IL15: variants seen among roughly 807,000 people sequenced by gnomAD.
The protein encoded by IL15 is interleukin 15.
IL15 carries 11 observed loss-of-function variants against 19.6 expected under a neutral mutation model. That is an observed-to-expected ratio of 0.56 (90% CI 0.35 to 0.93). The LOEUF is 0.93. Ranked by LOEUF, IL15 falls within the 40% of genes least tolerant of loss-of-function variation. IL15 has a pLI of 0.01. For synonymous variants in IL15, 58 were observed against 59.6 expected, an observed-to-expected ratio of 0.97 and a Z score of 0.12; for missense variants, 197 against 186.5, an observed-to-expected ratio of 1.06 and a Z score of -0.33.
At chr4:141,683,422 T>C (rs764116245) in intron 2 of IL15, among the ~76,000 whole-genome samples, 3 of 151,518 alleles carry the variant, frequency 2.0e-5, no homozygotes, top group Non-Finnish European at 4.4e-5. Flanking sequence ...ATACAAAAAA[T>C]TAGCCTGGCA....
chr4:141,724,097 G>T (rs1730181485), intron 5 of IL15, among the ~76,000 whole-genome samples: 1 of 151,906 alleles, frequency 6.6e-6, no homozygotes, highest in Middle Eastern at 3.2e-3. Flanking sequence ...AATTTTTTCA[G>T]AACTTAAATC....
At chr4:141,725,542 G>A (rs149223389) in intron 5 of IL15, among the ~76,000 whole-genome samples, 140 of 152,238 alleles carry the variant, frequency 9.2e-4, no homozygotes, top group African/African-American at 3.2e-3. Flanking sequence ...AGAAAATAAA[G>A]TTCTATTATT....
intron 6 of IL15, 22 bp downstream of exon 6, chr4:141,728,006 A>G: frequency 8.6e-7 from 1 of 1,158,544 alleles, no homozygotes; most frequent in Non-Finnish European, 1.3e-6. Flanking sequence ...TTTTTTCAAA[A>G]TTGCTATTTG....
At chr4:141,685,750 T>C (rs1325662056) in intron 2 of IL15, among the ~76,000 whole-genome samples, 2 of 152,258 alleles carry the variant, frequency 1.3e-5, no homozygotes, top group Admixed American at 1.3e-4. Context: ...AGCTTCCTAA[T>C]GTTCCATGAA....
intron 2 of IL15, among the ~76,000 whole-genome samples, chr4:141,689,548 T>C (rs552715111): frequency 1.3e-5 from 2 of 151,784 alleles, no homozygotes; most frequent in South Asian, 4.2e-4. Context: ...TTGAGCTAGA[T>C]ACAGAGTGCC....
rs1727334113 is a variant in IL15 at position 141,649,474 on chromosome 4, T to G, written c.-221-6712T>G. ...TGAACTCAGGTTTCTCTCTCAAGCA[T>G]GCACACTTCCTATAGAGGGTGCTAC... On this transcript the variant is annotated intron_variant, in intron 1 of 7. Transcript: ENST00000320650. 2.0e-5 allele frequency among the ~76,000 whole-genome samples: 3 copies of G among 152,122 alleles called. No individual in the cohort carries two copies. In the South Asian group the frequency reaches 6.2e-4, roughly 32 times the overall value.
At chr4:141,657,190 A>G (rs1363613718) in intron 2 of IL15, among the ~76,000 whole-genome samples, 1 of 152,206 alleles carries the variant, frequency 6.6e-6, no homozygotes, top group Admixed American at 6.5e-5. Context: ...CTAAACACAG[A>G]AAAGATACAG....
At chr4:141,703,791 T>G (rs1403406861) in intron 2 of IL15, among the ~76,000 whole-genome samples, 1 of 151,968 alleles carries the variant, frequency 6.6e-6, no homozygotes, top group Non-Finnish European at 1.5e-5. Context: ...TTAAGTTTAT[T>G]TCTAGGTATT....
At chr4:141,692,725 G>C (rs1420513359) in intron 2 of IL15, among the ~76,000 whole-genome samples, 1 of 151,876 alleles carries the variant, frequency 6.6e-6, no homozygotes, top group African/African-American at 2.4e-5. Context: ...ATCTCAGCTT[G>C]GACTTCATTG....
At chr4:141,690,406 C>T (rs1728871905) in intron 2 of IL15, among the ~76,000 whole-genome samples, 1 of 152,180 alleles carries the variant, frequency 6.6e-6, no homozygotes, top group Admixed American at 6.5e-5. Context: ...GGACTGACAG[C>T]AGGCTGTCAC....
At chr4:141,726,066 C>A (rs530450752) in intron 5 of IL15, among the ~76,000 whole-genome samples, 250 of 152,216 alleles carry the variant, frequency 1.6e-3, no homozygotes, top group Non-Finnish European at 2.8e-3. Flanking sequence ...ATACTCTAAT[C>A]CATTCATGAG....
Position 141,733,918 on chromosome 4 carries a change from A to G in IL15, c.*1070A>G, listed in dbSNP as rs1346351706. 3 of 152,232 alleles carry G rather than the reference A, an allele frequency of 2.0e-5. No individual in the cohort carries two copies. Among genetic ancestry groups the G allele is most frequent in the African/African-American group, 7.2e-5 (3 of 41,470 alleles). The allele number at this position is 152,232 out of a possible 1,614,324, so 9.4% of individuals were successfully genotyped here. A position where few individuals can be genotyped will look rare whatever the true frequency, so the allele number is the denominator to read the frequency against. ...TGCACTACACTGTCTAAAATTAGCA[A>G]GCTCTCTTCTAATGGAACTGTAAGA... On this transcript the variant is annotated 3_prime_UTR_variant, in exon 8 of 8. Coordinates refer to ENST00000320650, the MANE Select transcript of IL15 (RefSeq NM_000585.5).
At chr4:141,649,651 A>G (rs1727340417) in intron 1 of IL15, among the ~76,000 whole-genome samples, 3 of 152,138 alleles carry the variant, frequency 2.0e-5, no homozygotes, top group Admixed American at 1.3e-4. Context: ...TTAAAAATCA[A>G]TAACATTTTT....
chr4:141,659,587 T>C (rs559789232), intron 2 of IL15, among the ~76,000 whole-genome samples: 44 of 152,348 alleles, frequency 2.9e-4, no homozygotes, highest in Admixed American at 1.7e-3. Flanking sequence ...TATTGAGTGA[T>C]AATATTTGAG....
intron 2 of IL15, among the ~76,000 whole-genome samples, chr4:141,665,048 TG>T (rs1002126997): frequency 1.2e-4 from 19 of 152,248 alleles, no homozygotes; most frequent in African/African-American, 4.6e-4. Flanking sequence ...TTTGTTTTGT[TG>T]TTTTTTTAAC....
At chr4:141,642,426 T>C (rs1359752647) in intron 1 of IL15, among the ~76,000 whole-genome samples, 1 of 152,150 alleles carries the variant, frequency 6.6e-6, no homozygotes, top group African/African-American at 2.4e-5. Context: ...TGTTGTTCAG[T>C]TGGGATATAT....
At chr4:141,674,071 A>G (rs1260357180) in intron 2 of IL15, among the ~76,000 whole-genome samples, 1 of 152,216 alleles carries the variant, frequency 6.6e-6, no homozygotes, top group Admixed American at 6.5e-5. Flanking sequence ...GTTGATCTTT[A>G]CTGAAATAAT....
chr4:141,657,950 C>CTT (rs1727662395), intron 2 of IL15, among the ~76,000 whole-genome samples: 1 of 152,144 alleles, frequency 6.6e-6, no homozygotes, highest in African/African-American at 2.4e-5. Context: ...TTATGTTATA[C>CTT]TTTTATATGA....
At chr4:141,722,103 G>GA in intron 5 of IL15, 95 bp downstream of exon 5, 1 of 1,340,078 alleles carries the variant, frequency 7.5e-7, no homozygotes, top group Non-Finnish European at 9.8e-7. Flanking sequence ...AACCACACTT[G>GA]AAACAATAAT....
Sources: gnomAD v4.1 joint callset for allele counts (sites outside exome capture counted in the v4.1 genomes callset) on GRCh38, gnomAD v4.1.1 for gene constraint, MANE v1.5 for transcripts, NCBI Gene and HGNC (gene_info 2026-07-23, HGNC 2026-07-21) for gene names.